The following GNAQ variants were observed in gnomAD, a reference collection of about 807,000 sequenced individuals.
The protein encoded by GNAQ is guanine nucleotide-binding protein G(q) subunit alpha.
In GNAQ, 8 loss-of-function variants were observed where a neutral mutation model predicts 43.9. The ratio of observed to expected loss-of-function variants is 0.18; its 90% CI spans 0.11 to 0.33. The LOEUF is 0.33. GNAQ is among the 10% of genes least tolerant of loss of function. The probability of loss-of-function intolerance (pLI) is 1.00; values close to 1 mark genes in which losing one functional copy is unlikely to be tolerated. For synonymous variants in GNAQ, 155 were observed against 170.7 expected (o/e 0.91, Z 0.71); for missense variants, 158 against 450.8 (o/e 0.35, Z 5.88).
intron 6 of GNAQ, among the ~76,000 whole-genome samples, chr9:77,727,311 C>G (rs146843939): frequency 4.7e-4 from 72 of 152,276 alleles, no homozygotes; most frequent in Non-Finnish European, 8.8e-4. Context: ...AATCACCACA[C>G]CTGGCCACAT....
intron 4 of GNAQ, among the ~76,000 whole-genome samples, chr9:77,794,967 C>A (rs1178032347): frequency 6.6e-6 from 1 of 152,066 alleles, no homozygotes; most frequent in Non-Finnish European, 1.5e-5. Context: ...AGTTTCTTTT[C>A]CTATAAAATC....
chr9:77,829,518 T>C (rs79545068), intron 2 of GNAQ, among the ~76,000 whole-genome samples: 2,212 of 152,280 alleles, frequency 0.015, 49 homozygotes, highest in African/African-American at 0.046. Flanking sequence ...AAAAGTGTTA[T>C]TTAGTGTTCA....
chr9:77,789,816 T>C (rs1328918824), intron 5 of GNAQ, among the ~76,000 whole-genome samples: 4 of 152,310 alleles, frequency 2.6e-5, no homozygotes, highest in Admixed American at 2.0e-4. Context: ...AAAGTGTTCA[T>C]GTGTGTCTGC....
intron 1 of GNAQ, among the ~76,000 whole-genome samples, chr9:77,940,874 G>A (rs1371524567): frequency 6.6e-6 from 1 of 151,822 alleles, no homozygotes; most frequent in Non-Finnish European, 1.5e-5. Flanking sequence ...GACTGAGGCA[G>A]GAGAATGGCG....
At chr9:77,967,829 A>T (rs1587436450) in intron 1 of GNAQ, among the ~76,000 whole-genome samples, 1 of 152,146 alleles carries the variant, frequency 6.6e-6, no homozygotes, top group East Asian at 1.9e-4. Flanking sequence ...AAAATACAAA[A>T]TGAGCCGGGC....
intron 3 of GNAQ, among the ~76,000 whole-genome samples, chr9:77,798,807 A>G (rs1311295489): frequency 2.6e-5 from 4 of 152,204 alleles, no homozygotes; most frequent in Admixed American, 6.5e-5. Flanking sequence ...TTTTCTCTGA[A>G]TATTTTTGAT....
chr9:77,723,217 TCTA>T (rs1169780086), intron 6 of GNAQ, among the ~76,000 whole-genome samples: 9 of 152,210 alleles, frequency 5.9e-5, no homozygotes, highest in African/African-American at 1.9e-4. Flanking sequence ...CCTCTCCACA[TCTA>T]CTAGCATGGC....
intron 1 of GNAQ, 103 bp downstream of exon 1, chr9:78,030,997 C>G (rs1217688895): frequency 4.5e-6 from 4 of 885,062 alleles, no homozygotes; most frequent in African/African-American, 1.8e-5. Flanking sequence ...AGGGGCGAAC[C>G]GCGGGCGCCG....
At chr9:77,849,751 C>T (rs1434515168) in intron 2 of GNAQ, among the ~76,000 whole-genome samples, 1 of 152,170 alleles carries the variant, frequency 6.6e-6, no homozygotes, top group East Asian at 1.9e-4. Context: ...ACTGCAACCT[C>T]AACCTCCTAG....
At chr9:77,999,293 G>A (rs1027442554) in intron 1 of GNAQ, among the ~76,000 whole-genome samples, 5 of 151,938 alleles carry the variant, frequency 3.3e-5, no homozygotes, top group Middle Eastern at 3.2e-3. Context: ...TACTCCATCC[G>A]GGAAGTTATG....
At chr9:77,878,481 T>C (rs937118649) in intron 2 of GNAQ, among the ~76,000 whole-genome samples, 6 of 152,094 alleles carry the variant, frequency 3.9e-5, no homozygotes, top group Non-Finnish European at 7.4e-5. Context: ...ACCTAATAAA[T>C]AGGATTTTTG....
intron 1 of GNAQ, among the ~76,000 whole-genome samples, chr9:77,926,461 G>T (rs1222433467): frequency 6.6e-6 from 1 of 152,116 alleles, no homozygotes; most frequent in African/African-American, 2.4e-5. Context: ...ATGCAGTGAT[G>T]ACTAATGTCT....
chr9:77,950,669 T>C (rs1195158556), intron 1 of GNAQ, among the ~76,000 whole-genome samples: 5 of 152,256 alleles, frequency 3.3e-5, no homozygotes, highest in Non-Finnish European at 5.9e-5. Context: ...GAAATTTTAA[T>C]GAGCACGCAC....
At chr9:78,017,266 A>G (rs564865149) in intron 1 of GNAQ, among the ~76,000 whole-genome samples, 2 of 152,234 alleles carry the variant, frequency 1.3e-5, no homozygotes, top group South Asian at 4.1e-4. Context: ...TTCGGTCACT[A>G]AATGTAAAGT....
At chr9:77,965,722 C>T (rs1210139320) in intron 1 of GNAQ, among the ~76,000 whole-genome samples, 1 of 151,956 alleles carries the variant, frequency 6.6e-6, no homozygotes, top group Non-Finnish European at 1.5e-5. Flanking sequence ...ATGGAACTCT[C>T]ATACACTGCA....
intron 5 of GNAQ, among the ~76,000 whole-genome samples, chr9:77,742,633 A>T (rs1825671933): frequency 6.6e-6 from 1 of 152,170 alleles, no homozygotes; most frequent in Admixed American, 6.5e-5. Context: ...CTGTGTTAGG[A>T]AGTTAAAAGA....
intron 2 of GNAQ, among the ~76,000 whole-genome samples, chr9:77,836,256 C>T (rs1221591806): frequency 6.6e-6 from 1 of 151,928 alleles, no homozygotes; most frequent in Non-Finnish European, 1.5e-5. Flanking sequence ...TCCAAGCTCT[C>T]TCCTCCAATT....
intron 5 of GNAQ, among the ~76,000 whole-genome samples, chr9:77,776,675 A>T (rs1357533704): frequency 6.6e-6 from 1 of 152,218 alleles, no homozygotes; most frequent in Non-Finnish European, 1.5e-5. Context: ...TAATGTATAG[A>T]ACAAAAAGGC....
chr9:78,008,551 T>A (rs2118573096), intron 1 of GNAQ, among the ~76,000 whole-genome samples: 1 of 152,320 alleles, frequency 6.6e-6, no homozygotes, highest in Admixed American at 6.5e-5. Context: ...TAATGCAACT[T>A]TCACTTAACT....
Sources: gnomAD v4.1 joint callset for allele counts (sites outside exome capture counted in the v4.1 genomes callset) on GRCh38, gnomAD v4.1.1 for gene constraint, MANE v1.5 for transcripts, NCBI Gene and HGNC (gene_info 2026-07-23, HGNC 2026-07-21) for gene names.